Variants in CHM observed in about 807,000 individuals in gnomAD.
The protein encoded by CHM is CHM Rab escort protein.
Under a neutral mutation model 49.0 loss-of-function variants are expected in CHM, and 10 were observed. The observed-to-expected ratio is 0.20, with a 90% CI of 0.13 to 0.35. The LOEUF is 0.35. CHM is among the 10% of genes least tolerant of loss of function. The pLI is 1.00. For synonymous variants in CHM, 184 were observed against 167.5 expected, an observed-to-expected ratio of 1.10 and a Z score of -0.76; for missense variants, 455 against 478.4, an observed-to-expected ratio of 0.95 and a Z score of 0.46.
At chrX:85,890,336 TAAC>T (rs763944872) in intron 12 of CHM, among the ~76,000 whole-genome samples, 1 of 111,566 alleles carries the variant, frequency 9.0e-6, no homozygotes. Context: ...TAATAGAAAA[TAAC>T]AACAACTGTC....
intron 2 of CHM, among the ~76,000 whole-genome samples, chrX:85,993,454 C>G (rs1932301242): frequency 8.9e-6 from 1 of 111,894 alleles, no homozygotes; most frequent in Admixed American, 9.5e-5. Flanking sequence ...TCCCTCTTAT[C>G]TATCTATTGC....
chrX:85,976,774 T>C (rs1931286613), intron 4 of CHM, among the ~76,000 whole-genome samples: 1 of 110,281 alleles, frequency 9.1e-6, no homozygotes, highest in South Asian at 4.0e-4. Context: ...TCAAGGACTA[T>C]AACCCTAGTC....
chrX:86,001,358 A>G (rs990087454), intron 2 of CHM, among the ~76,000 whole-genome samples: 39 of 111,457 alleles, frequency 3.5e-4, no homozygotes, highest in Non-Finnish European at 7.2e-4. Flanking sequence ...CATCTGCAAA[A>G]AAAAAAAAAT....
At chrX:85,977,351 T>G in intron 4 of CHM, among the ~76,000 whole-genome samples, 1 of 112,618 alleles carries the variant, frequency 8.9e-6, no homozygotes, top group Non-Finnish European at 1.9e-5. Flanking sequence ...TTTCGTTGTC[T>G]TCAAACAAAC....
In CHM at chrX:85,911,287, G is replaced by A; in HGVS notation, c.1218C>T (p.Cys406=). 4.9e-6 allele frequency: 5 copies of A among 1,023,617 alleles called. No individual in the cohort carries two copies. The highest frequency in any genetic ancestry group is 6.4e-6 in the Non-Finnish European group (5 of 780,016). The allele number at this position is 1,023,617 out of a possible 1,213,427, so 84.4% of individuals were successfully genotyped here. Residue 406 remains cysteine (C), a synonymous_variant, in exon 9 of 15, where the codon TGC becomes TGT. Transcript: ENST00000357749. ...TTCTGGATTCTTTGTCCACTACAAG[G>A]CACTGTACTGAATGGCGAAGACAAT... ...GIYCLRHSVQ[C]LVVDKESRKC...
Position 85,878,986 on chromosome X carries a change from G to C in CHM, c.1588C>G (p.Pro530Ala), listed in dbSNP as rs762612958. The change falls in exon 13 of 15, where the codon CCA becomes GCA. Residue 530 changes from proline (P) to alanine (A), a missense_variant. By Grantham distance (27) the Pro-to-Ala change is conservative. Transcript: ENST00000357749. ...LESVVQKLFV[P>A]YTEMEIENEQ... ...TTACCTATCTCCATTTCAGTATATG[G>C]AACAAACAATTTCTGCACAACTGAT... The C allele has an allele frequency of 2.5e-6, 3 of 1,195,686 alleles. No individual in the cohort carries two copies. Among genetic ancestry groups the C allele is most frequent in the Non-Finnish European group, 3.4e-6 (3 of 882,898 alleles).
intron 2 of CHM, among the ~76,000 whole-genome samples, chrX:86,006,801 G>A (rs1932866096): frequency 1.8e-5 from 2 of 111,778 alleles, no homozygotes; most frequent in African/African-American, 6.5e-5. Context: ...GCATGGATAG[G>A]AATAATCAAT....
At chrX:85,975,099 A>T (rs975109576) in intron 4 of CHM, among the ~76,000 whole-genome samples, 1 of 111,918 alleles carries the variant, frequency 8.9e-6, no homozygotes, top group Admixed American at 9.5e-5. Flanking sequence ...AAAAATATTC[A>T]AAATGAGCCA....
At chrX:85,926,698 C>G (rs945169536) in intron 8 of CHM, among the ~76,000 whole-genome samples, 4 of 111,691 alleles carry the variant, frequency 3.6e-5, no homozygotes, top group African/African-American at 1.3e-4. Context: ...GAGCTATTAC[C>G]TTCCGATAGA....
At chrX:85,966,489 T>C (rs6617178) in intron 4 of CHM, among the ~76,000 whole-genome samples, 1 of 111,542 alleles carries the variant, frequency 9.0e-6, no homozygotes, top group African/African-American at 3.3e-5. Flanking sequence ...CATAATAGCA[T>C]CGCTATTAAC....
chrX:85,892,406 C>T (rs2148141372), intron 12 of CHM, among the ~76,000 whole-genome samples: 1 of 109,613 alleles, frequency 9.1e-6, no homozygotes, highest in East Asian at 2.9e-4. Flanking sequence ...ATCATGGGGG[C>T]CGGTCTTTCT....
rs541453650 is a variant in CHM, at chrX:85,942,403, C to T, written c.1166+13750G>A. The stretch of plus-strand genomic sequence containing the variant: ...AAAAAATAATAAAAATTCCTAACAA[C>T]GGTTCTCAATCCTTGTTTTTAAGTC... On this transcript the variant is annotated intron_variant, in intron 8 of 14. Transcript: ENST00000357749. Among the ~76,000 whole-genome samples the T allele has an allele frequency of 1.3e-4, 14 of 110,069 alleles. No homozygotes were observed. In the East Asian group the frequency reaches 2.3e-3, roughly 18 times the overall value.
chrX:85,883,696 A>C (rs1924897457), intron 12 of CHM, among the ~76,000 whole-genome samples: 1 of 111,344 alleles, frequency 9.0e-6, no homozygotes, highest in Admixed American at 9.6e-5. Flanking sequence ...TCAATATCTA[A>C]CTCATTTTTA....
chrX:85,871,304 CAAA>C (rs150005971), intron 14 of CHM, among the ~76,000 whole-genome samples: 1 of 62,069 alleles, frequency 1.6e-5, no homozygotes, highest in African/African-American at 7.0e-5. Flanking sequence ...AAGACTGTCT[CAAA>C]AAAAAAAAAA....
At chrX:85,900,085 C>T (rs964788843) in intron 11 of CHM, among the ~76,000 whole-genome samples, 3 of 111,246 alleles carry the variant, frequency 2.7e-5, no homozygotes, top group Non-Finnish European at 5.7e-5. Context: ...TTCATTGCAG[C>T]GAAGATTTGG....
intron 2 of CHM, among the ~76,000 whole-genome samples, chrX:86,010,680 T>A (rs918712436): frequency 2.7e-5 from 3 of 111,872 alleles, no homozygotes; most frequent in Admixed American, 1.9e-4. Context: ...CTACAGTTTC[T>A]TAGAAGCATG....
At chrX:85,897,003 A>G (rs1449173157) in intron 11 of CHM, among the ~76,000 whole-genome samples, 2 of 95,927 alleles carry the variant, frequency 2.1e-5, no homozygotes, top group African/African-American at 7.7e-5. Context: ...TTAATTATAT[A>G]ATACATATAA....
chrX:85,956,634 T>C (rs1445471636), intron 7 of CHM, among the ~76,000 whole-genome samples: 1 of 111,370 alleles, frequency 9.0e-6, no homozygotes, highest in East Asian at 2.8e-4. Flanking sequence ...AACTAGAAAA[T>C]ATTAAATAAC....
intron 8 of CHM, among the ~76,000 whole-genome samples, chrX:85,926,308 T>C (rs368576077): frequency 9.0e-6 from 1 of 111,377 alleles, no homozygotes; most frequent in East Asian, 2.8e-4. Flanking sequence ...TTTAAAGCAG[T>C]CTTTGGTATA....
Sources: allele counts gnomAD v4.1 joint callset (sites outside exome capture counted in the v4.1 genomes callset), GRCh38; gene constraint gnomAD v4.1.1; transcripts MANE v1.5; gene names NCBI Gene and HGNC (gene_info 2026-07-23, HGNC 2026-07-21).